The following UTRN variants were observed in gnomAD, a reference collection of about 807,000 sequenced individuals.
UTRN encodes the protein dystrophin-related protein 1.
Under a neutral mutation model 463.9 loss-of-function variants are expected in UTRN, and 283 were observed. The ratio of observed to expected loss-of-function variants is 0.61; its 90% CI spans 0.55 to 0.67. UTRN has a LOEUF of 0.67. Ranked by LOEUF, UTRN falls within the 30% of genes least tolerant of loss-of-function variation. UTRN has a pLI of 0.00. For missense variants in UTRN, 3,922 were observed against 4,084.3 expected, an observed-to-expected ratio of 0.96 and a Z score of 1.08; for synonymous variants, 1,442 against 1,431.5, an observed-to-expected ratio of 1.01 and a Z score of -0.17.
At chr6:144,577,342 T>A in intron 51 of UTRN, 54 bp downstream of exon 51, 1 of 1,566,296 alleles carries the variant, frequency 6.4e-7, no homozygotes, top group South Asian at 1.1e-5. Flanking sequence ...GTGCTTTTGA[T>A]CCCTCTGCAT....
In UTRN at chr6:144,839,260, T is replaced by C. The variant is rs1332192240; in HGVS notation, c.10153T>C (p.Ser3385Pro). 1 of 1,613,834 alleles carries C rather than the reference T, an allele frequency of 6.2e-7. No homozygotes were observed. Among genetic ancestry groups the C allele is most frequent in the South Asian group, 1.1e-5 (1 of 91,064 alleles). ...ALSYSLDPDASGPQFHQAAGE... is the reference protein window; with the variant it reads ...ALSYSLDPDAPGPQFHQAAGE... ...GAGCTACTCGCTTGATCCAGATGCC[T>C]CCGGCCCACAGTTCCACCAGGCAGG... Residue 3385 changes from serine to proline, a missense_variant, in exon 72 of 75, where the codon TCC (serine) becomes CCC (proline). Transcript: ENST00000367545.
intron 2 of UTRN, among the ~76,000 whole-genome samples, chr6:144,319,543 T>G (rs977307509): frequency 3.3e-5 from 5 of 152,172 alleles, no homozygotes; most frequent in Admixed American, 1.3e-4. Context: ...AGTTGAAACA[T>G]TGTATGTTTC....
intron 51 of UTRN, among the ~76,000 whole-genome samples, chr6:144,635,535 C>CTTTTTTTTTTTTTTTTT (rs1219903798): frequency 9.0e-5 from 3 of 33,186 alleles, no homozygotes; most frequent in Admixed American, 4.8e-4. Flanking sequence ...TTTTTCTTTT[C>CTTTTTTTTTTTTTTTTT]TTTTTTTTTT....
chr6:144,365,177 A>G (rs1365982686), intron 2 of UTRN, among the ~76,000 whole-genome samples: 1 of 152,220 alleles, frequency 6.6e-6, no homozygotes, highest in Admixed American at 6.5e-5. Flanking sequence ...GAAAGAATTG[A>G]GAGTGGTGGA....
chr6:144,493,195 G>T (rs1793230695), intron 32 of UTRN, 106 bp from the exon 33 acceptor site: 1 of 1,073,176 alleles, frequency 9.3e-7, no homozygotes, highest in East Asian at 2.5e-5. Context: ...GATCACCATA[G>T]TTAGGTCTTG....
intron 46 of UTRN, among the ~76,000 whole-genome samples, chr6:144,545,371 TC>T (rs1056219132): frequency 3.3e-4 from 51 of 152,334 alleles, no homozygotes; most frequent in African/African-American, 1.2e-3. Flanking sequence ...ATAAATGAGT[TC>T]CAAAGTCTGG....
chr6:144,444,423 A>C (rs1787466782), intron 14 of UTRN, 41 bp downstream of exon 14: 1 of 1,483,230 alleles, frequency 6.7e-7, no homozygotes, highest in Non-Finnish European at 9.2e-7. Flanking sequence ...TAAATGGTGA[A>C]AAGTAACCCA....
chr6:144,438,772 G>A lies in UTRN; in HGVS notation c.1269G>A (p.Gln423=), dbSNP rs974232626. 1.9e-6 allele frequency: 3 copies of A among 1,614,094 alleles called. No homozygotes were observed. The African/African-American group carries it at 4.0e-5, about 22-fold the overall frequency. ...SRLHDVLMEL[Q]KKQLQQLSAW... ...TGCACGATGTGCTGATGGAACTGCA[G>A]AAGAAGCAACTGCAGCAGCTCTCCG... The change falls in exon 12 of 75, where the codon CAG becomes CAA. Residue 423 remains glutamine (Q), a synonymous_variant. Transcript: ENST00000367545.
chr6:144,488,789 C>T lies in UTRN; in HGVS notation c.4089C>T (p.Tyr1363=). ...AGCTGGACAAACAGCTCACCACATA[C>T]CTGACTGACAGGATAGATGCTTTCC... ...LGELDKQLTT[Y]LTDRIDAFQV... Residue 1363 remains tyrosine, a synonymous_variant, in exon 30 of 75, where the codon TAC becomes TAT. Coordinates refer to ENST00000367545, the MANE Select transcript of UTRN (RefSeq NM_007124.3). The T allele has an allele frequency of 6.2e-7, 1 of 1,609,846 alleles. No individual in the cohort carries two copies. The highest frequency in any genetic ancestry group is 2.2e-5 in the East Asian group (1 of 44,694).
intron 60 of UTRN, among the ~76,000 whole-genome samples, chr6:144,775,222 C>T (rs572173411): frequency 2.0e-5 from 3 of 152,220 alleles, no homozygotes; most frequent in African/African-American, 7.2e-5. Flanking sequence ...AAATCTGCTC[C>T]TTGAAAGTCA....
intron 2 of UTRN, among the ~76,000 whole-genome samples, chr6:144,380,008 T>G (rs975717631): frequency 6.6e-6 from 1 of 152,234 alleles, no homozygotes; most frequent in African/African-American, 2.4e-5. Context: ...CTGGAATGTG[T>G]ATTTGACTTT....
intron 2 of UTRN, among the ~76,000 whole-genome samples, chr6:144,350,948 CTG>C (rs1394172680): frequency 6.6e-6 from 1 of 152,156 alleles, no homozygotes; most frequent in Non-Finnish European, 1.5e-5. Flanking sequence ...TCATCCCAAA[CTG>C]TGCTGAGACT....
At chr6:144,608,153 G>C (rs749164174) in intron 51 of UTRN, among the ~76,000 whole-genome samples, 16 of 152,150 alleles carry the variant, frequency 1.1e-4, no homozygotes, top group Non-Finnish European at 2.2e-4. Context: ...TAGTAAAGCG[G>C]ATTATCCTCC....
At chr6:144,583,639 A>G (rs1189303100) in intron 51 of UTRN, 3 of 599,692 alleles carry the variant, frequency 5.0e-6, no homozygotes, top group East Asian at 5.8e-5. Context: ...CGGGTGTCTG[A>G]CAGTTCTACT....
chr6:144,519,871 T>G (rs1293931950), intron 39 of UTRN, among the ~76,000 whole-genome samples: 1 of 152,256 alleles, frequency 6.6e-6, no homozygotes, highest in East Asian at 1.9e-4. Context: ...CAATCCGTTA[T>G]GTAACTGAAG....
Position 144,793,850 on chromosome 6 carries a change from T to C in UTRN, c.8937T>C (p.Val2979=), listed in dbSNP as rs369629749. ...TCTTTGCAGATCTCTTTAAGGAAGTTGCAGGGCCAACAGAAATGTGTGACC... is the reference window on the plus strand; with the variant it reads ...TCTTTGCAGATCTCTTTAAGGAAGTCGCAGGGCCAACAGAAATGTGTGACC... The part of the protein sequence containing the change: ...EEKYRYLFKE[V]AGPTEMCDQR... The change falls in exon 63 of 75, where the codon GTT becomes GTC. Residue 2979 remains valine, a synonymous_variant. Transcript: ENST00000367545. 3.4e-5 allele frequency: 55 copies of C among 1,613,918 alleles called. No individual in the cohort carries two copies. Among genetic ancestry groups the C allele is most frequent in the Non-Finnish European group, 4.2e-5 (50 of 1,179,952 alleles).
At chr6:144,549,120 A>G (rs1285053804) in intron 47 of UTRN, among the ~76,000 whole-genome samples, 1 of 152,266 alleles carries the variant, frequency 6.6e-6, no homozygotes, top group African/African-American at 2.4e-5. Context: ...AGCTAGGCAC[A>G]TTAGTATAAA....
intron 51 of UTRN, among the ~76,000 whole-genome samples, chr6:144,677,291 G>T (rs1011022216): frequency 9.9e-5 from 15 of 151,854 alleles, no homozygotes; most frequent in African/African-American, 3.6e-4. Flanking sequence ...GACATCCCCC[G>T]GTGTGTGATG....
chr6:144,572,942 T>C (rs1333942208), intron 50 of UTRN, among the ~76,000 whole-genome samples: 1 of 152,194 alleles, frequency 6.6e-6, no homozygotes, highest in Non-Finnish European at 1.5e-5. Context: ...CAAATGGTAT[T>C]TCTGGTTCTA....
Sources: gnomAD v4.1 joint callset for allele counts (sites outside exome capture counted in the v4.1 genomes callset) on GRCh38, gnomAD v4.1.1 for gene constraint, MANE v1.5 for transcripts, NCBI Gene and HGNC (gene_info 2026-07-23, HGNC 2026-07-21) for gene names.